Variants in CYP4F22 observed in about 807,000 individuals in gnomAD.
The protein encoded by CYP4F22 is cytochrome P450 family 4 subfamily F member 22, also known as ultra-long-chain fatty acid omega-hydroxylase.
CYP4F22 carries 37 observed loss-of-function variants against 60.4 expected under a neutral mutation model. The ratio of observed to expected loss-of-function variants is 0.61; its 90% CI spans 0.47 to 0.81. The LOEUF (loss-of-function observed/expected upper bound fraction) is 0.81, where lower values mean the gene tolerates loss of function less well. CYP4F22 is among the 30% of genes least tolerant of loss of function. The probability of loss-of-function intolerance (pLI) is 0.00; values close to 1 mark genes in which losing one functional copy is unlikely to be tolerated. For missense variants in CYP4F22, 655 were observed against 715.0 expected, an observed-to-expected ratio of 0.92 and a Z score of 0.96; for synonymous variants, 258 against 280.5, an observed-to-expected ratio of 0.92 and a Z score of 0.80.
chr19:15,542,740 G>T (rs538293584), intron 8 of CYP4F22, among the ~76,000 whole-genome samples: 1 of 59,388 alleles, frequency 1.7e-5, no homozygotes, highest in East Asian at 1.1e-3. Context: ...AGTGTGTGTT[G>T]TTTCCCCCCT....
intron 1 of CYP4F22, among the ~76,000 whole-genome samples, chr19:15,510,945 C>CATATATATATATATAT (rs1183507990): frequency 7.2e-5 from 8 of 111,592 alleles, no homozygotes; most frequent in Non-Finnish European, 1.2e-4. Flanking sequence ...ATAGGGATAC[C>CATATATATATATATAT]ATATATATAT....
At chr19:15,510,174 G>A (rs949531049) in intron 1 of CYP4F22, among the ~76,000 whole-genome samples, 3 of 151,868 alleles carry the variant, frequency 2.0e-5, no homozygotes, top group Admixed American at 6.6e-5. Context: ...TAGGGATGGG[G>A]TTTCACCATG....
chr19:15,515,522 C>A, intron 1 of CYP4F22: 1 of 633,166 alleles, frequency 1.6e-6, no homozygotes, highest in Non-Finnish European at 3.0e-6. Context: ...GTCAGGAGTT[C>A]AAGACCAGCC....
At chr19:15,545,474 C>T (rs538870115) in intron 10 of CYP4F22, among the ~76,000 whole-genome samples, 1 of 151,498 alleles carries the variant, frequency 6.6e-6, no homozygotes, top group South Asian at 2.1e-4. Flanking sequence ...ATGACGAAAC[C>T]CTGTCTCTAC....
intron 1 of CYP4F22, among the ~76,000 whole-genome samples, chr19:15,520,848 A>C (rs955334321): frequency 1.3e-5 from 2 of 151,508 alleles, no homozygotes; most frequent in African/African-American, 4.9e-5. Context: ...GCTCACTGCA[A>C]CCTCCGCCTC....
chr19:15,510,960 A>T (rs1315464914), intron 1 of CYP4F22, among the ~76,000 whole-genome samples: 15 of 115,650 alleles, frequency 1.3e-4, no homozygotes, highest in African/African-American at 4.3e-4. Context: ...ATATATATAT[A>T]TATATATTTT....
intron 3 of CYP4F22, among the ~76,000 whole-genome samples, chr19:15,528,828 A>G (rs1282031815): frequency 6.6e-6 from 1 of 152,252 alleles, no homozygotes; most frequent in Non-Finnish European, 1.5e-5. Flanking sequence ...AGTGACCAAC[A>G]CAGTGCAGGC....
chr19:15,521,947 C>G (rs1971231008), intron 1 of CYP4F22, among the ~76,000 whole-genome samples: 1 of 151,690 alleles, frequency 6.6e-6, no homozygotes, highest in African/African-American at 2.4e-5. Flanking sequence ...GAGTTCGAGA[C>G]CAGCCTGGCC....
intron 10 of CYP4F22, among the ~76,000 whole-genome samples, chr19:15,546,146 T>C (rs983510766): frequency 6.6e-6 from 1 of 152,182 alleles, no homozygotes; most frequent in African/African-American, 2.4e-5. Flanking sequence ...GGCTAATTTT[T>C]AACATTTTTT....
intron 3 of CYP4F22, among the ~76,000 whole-genome samples, chr19:15,526,071 G>A (rs1456239127): frequency 2.6e-5 from 4 of 152,134 alleles, no homozygotes; most frequent in Admixed American, 6.5e-5. Flanking sequence ...AGGCTGAGGC[G>A]CGAGGATTGT....
At chr19:15,524,599 C>T (rs948182927) in intron 2 of CYP4F22, among the ~76,000 whole-genome samples, 10 of 151,468 alleles carry the variant, frequency 6.6e-5, no homozygotes, top group Non-Finnish European at 1.3e-4. Context: ...TGCAGTGAGC[C>T]GTGATCATGC....
intron 2 of CYP4F22, among the ~76,000 whole-genome samples, chr19:15,524,555 G>A (rs1418324876): frequency 6.6e-6 from 1 of 151,976 alleles, no homozygotes; most frequent in Non-Finnish European, 1.5e-5. Context: ...GGAAACTGAG[G>A]TGGGAGGATT....
At chr19:15,547,783 C>T (rs896803688) in intron 10 of CYP4F22, among the ~76,000 whole-genome samples, 1 of 149,450 alleles carries the variant, frequency 6.7e-6, no homozygotes, top group Non-Finnish European at 1.5e-5. Flanking sequence ...AGATGCGCCA[C>T]TATGTTCTAG....
intron 1 of CYP4F22, among the ~76,000 whole-genome samples, chr19:15,522,659 C>T (rs1295673213): frequency 1.3e-5 from 2 of 151,990 alleles, no homozygotes; most frequent in African/African-American, 4.8e-5. Flanking sequence ...ATTTAGCCTG[C>T]GTGATAGAGT....
At chr19:15,515,390 C>CT in intron 1 of CYP4F22, 1 of 1,241,134 alleles carries the variant, frequency 8.1e-7, no homozygotes, top group South Asian at 1.2e-5. Context: ...CTTGGCATCT[C>CT]TGTACTTTGT....
At chr19:15,525,258 C>T in intron 2 of CYP4F22, 78 bp from the exon 3 acceptor site, 2 of 1,407,492 alleles carry the variant, frequency 1.4e-6, no homozygotes, top group Non-Finnish European at 9.8e-7. Flanking sequence ...ACCTTCTGTG[C>T]ACTAGGCACA....
At chr19:15,525,630 C>G in intron 3 of CYP4F22, 72 bp downstream of exon 3, 1 of 1,435,480 alleles carries the variant, frequency 7.0e-7, no homozygotes, top group South Asian at 1.2e-5. Flanking sequence ...GGATGGTGGG[C>G]CTGCTGGCTT....
rs1460692558 is a variant in CYP4F22, at chr19:15,548,034, TGTGTGTG to T, written c.1137-73_1137-67del. 6.5e-6 allele frequency: 9 copies of T among 1,374,432 alleles called. No homozygotes were observed. The African/African-American group carries it at 1.2e-4, about 18-fold the overall frequency. 85.1% of individuals were successfully genotyped at this position (1,374,432 alleles called of 1,614,324 possible). ...GTGTGTGTGTGTGTGTGTGTGTGTGTGTGTGTGTGTGTGTGTTTTGGGGAGGTGGTGC... is the reference window on the plus strand; with the variant it reads ...GTGTGTGTGTGTGTGTGTGTGTGTGTTGTGTGTGTTTTGGGGAGGTGGTGC... On this transcript the variant is annotated intron_variant, in intron 10 of 13. Coordinates refer to ENST00000269703, the MANE Select transcript of CYP4F22 (RefSeq NM_173483.4).
chr19:15,551,827 A>G lies in CYP4F22; in HGVS notation c.*356A>G. 2.8e-6 allele frequency: 1 copy of G among 356,812 alleles called. No individual in the cohort carries two copies. The highest frequency in any genetic ancestry group is 5.3e-6 in the Non-Finnish European group (1 of 190,424). 22.1% of individuals were successfully genotyped at this position (356,812 alleles called of 1,614,324 possible). Reference sequence around the variant, plus strand: ...CACGCCCCTGCAGATCCAGGTCTCCAGGCCTTGCCCACTGAGCCTTCAGAG... The same window carrying G: ...CACGCCCCTGCAGATCCAGGTCTCCGGGCCTTGCCCACTGAGCCTTCAGAG... On this transcript the variant is annotated 3_prime_UTR_variant, in exon 14 of 14. Transcript: ENST00000269703.
Sources: gnomAD v4.1 joint callset for allele counts (sites outside exome capture counted in the v4.1 genomes callset) on GRCh38, gnomAD v4.1.1 for gene constraint, MANE v1.5 for transcripts, NCBI Gene and HGNC (gene_info 2026-07-23, HGNC 2026-07-21) for gene names.